Variants in CDYL2 observed in about 807,000 individuals in gnomAD.
CDYL2 encodes chromodomain Y like 2.
Under a neutral mutation model 49.4 loss-of-function variants are expected in CDYL2, and 23 were observed. The observed-to-expected ratio is 0.47, with a 90% CI of 0.34 to 0.66. The LOEUF is 0.66. CDYL2 is among the 30% of genes least tolerant of loss of function. The pLI, the probability that CDYL2 is intolerant of heterozygous loss-of-function variation, is 0.01. For missense variants in CDYL2, 678 were observed against 656.4 expected (o/e 1.03, Z -0.36); for synonymous variants, 360 against 268.8 (o/e 1.34, Z -3.32).
chr16:80,668,885 T>TGA (rs1909382618), intron 2 of CDYL2, among the ~76,000 whole-genome samples: 2 of 151,766 alleles, frequency 1.3e-5, no homozygotes, highest in African/African-American at 2.4e-5. Context: ...GGCGACAGAG[T>TGA]CAGACACCAT....
At chr16:80,774,914 AT>A (rs932216585) in intron 1 of CDYL2, among the ~76,000 whole-genome samples, 3 of 151,398 alleles carry the variant, frequency 2.0e-5, no homozygotes, top group Non-Finnish European at 4.4e-5. Flanking sequence ...AAAAAAAAAA[AT>A]GCCTTATCAC....
At chr16:80,743,937 T>A (rs1166029114) in intron 1 of CDYL2, among the ~76,000 whole-genome samples, 2 of 152,092 alleles carry the variant, frequency 1.3e-5, no homozygotes, top group Non-Finnish European at 2.9e-5. Context: ...GGTGGGACTG[T>A]ACTATTCCTC....
rs140775865 is a variant in CDYL2, at chr16:80,642,700, G to A, written c.617-9464C>T. ...ACTTCTTACATAGCAGTGGCAAGAG[G>A]AAATAAGGAAGATGCAAAAGTGGAA... On this transcript the variant is annotated intron_variant, in intron 2 of 6. Transcript: ENST00000570137. Among the ~76,000 whole-genome samples the A allele has an allele frequency of 1.1e-3, 168 of 152,244 alleles. 1 individual carries two copies. The highest frequency in any genetic ancestry group is 0.01 in the East Asian group (53 of 5,160).
At chr16:80,662,653 T>C (rs1909094828) in intron 2 of CDYL2, 1 of 441,422 alleles carries the variant, frequency 2.3e-6, no homozygotes, top group South Asian at 1.6e-5. Context: ...AAATGTTCAA[T>C]ATCTGCATTG....
chr16:80,723,925 G>A (rs996665435), intron 1 of CDYL2, among the ~76,000 whole-genome samples: 8 of 150,336 alleles, frequency 5.3e-5, no homozygotes, highest in Non-Finnish European at 1.0e-4. Context: ...AGGAGAAGGA[G>A]TGGAGAAGAA....
rs556702714 is a variant in CDYL2 at position 80,679,620 on chromosome 16, C to T, written c.616+4918G>A. On this transcript the variant is annotated intron_variant, in intron 2 of 6. Coordinates refer to ENST00000570137, the MANE Select transcript of CDYL2 (RefSeq NM_152342.4). ...GCCTCATCTCAGGGAAGTACTTATA[C>T]TCTAAAACTTTCAACCTTACAGCTT... 7.6e-4 allele frequency: 342 copies of T among 449,502 alleles called. 3 individuals are homozygous for T. Among genetic ancestry groups the T allele is most frequent in the South Asian group, 5.3e-3 (333 of 63,236 alleles). The allele number at this position is 449,502 out of a possible 1,614,324, so 27.8% of individuals were successfully genotyped here. A position where few individuals can be genotyped will look rare whatever the true frequency, so the allele number is the denominator to read the frequency against.
At chr16:80,651,572 A>C (rs1908583463) in intron 2 of CDYL2, among the ~76,000 whole-genome samples, 1 of 152,218 alleles carries the variant, frequency 6.6e-6, no homozygotes, top group Admixed American at 6.5e-5. Context: ...CAGCACAGAG[A>C]GCGAATTTAA....
chr16:80,742,461 CATGGATGG>C (rs3081238), intron 1 of CDYL2, among the ~76,000 whole-genome samples: 8 of 146,172 alleles, frequency 5.5e-5, no homozygotes, highest in East Asian at 4.1e-4. Flanking sequence ...AGGATGGATG[CATGGATGG>C]ATGGATGGAT....
At chr16:80,736,173 C>T (rs2289356) in intron 1 of CDYL2, among the ~76,000 whole-genome samples, 62,051 of 152,192 alleles carry the variant, frequency 0.41, 15,175 homozygotes, top group Middle Eastern at 0.59. Flanking sequence ...AGCTCCTGAA[C>T]CTAACTGCAA....
At chr16:80,760,735 C>T (rs879744232) in intron 1 of CDYL2, among the ~76,000 whole-genome samples, 4 of 151,424 alleles carry the variant, frequency 2.6e-5, no homozygotes, top group African/African-American at 4.9e-5. Flanking sequence ...TCTTATAAGC[C>T]AAACAGATCA....
chr16:80,600,875 C>G lies in CDYL2; in HGVS notation c.*3513G>C, dbSNP rs1906051987. On this transcript the variant is annotated 3_prime_UTR_variant, in exon 7 of 7. Transcript: ENST00000570137. The stretch of plus-strand genomic sequence containing the variant: ...AAGGCTATTTTTAAATGTGGATATT[C>G]AGAGATACAGTTGCATTGTTCAAAG... 1 of 152,172 alleles carries G rather than the reference C, an allele frequency of 6.6e-6. No homozygotes were observed. 9.4% of individuals were successfully genotyped at this position (152,172 alleles called of 1,614,324 possible).
chr16:80,616,016 C>T (rs1436828850), intron 4 of CDYL2, among the ~76,000 whole-genome samples: 1 of 152,196 alleles, frequency 6.6e-6, no homozygotes, highest in Non-Finnish European at 1.5e-5. Context: ...CCCCCACATC[C>T]AAGGCCATCA....
chr16:80,743,683 G>T (rs1341238483), intron 1 of CDYL2, among the ~76,000 whole-genome samples: 3 of 152,010 alleles, frequency 2.0e-5, no homozygotes, highest in African/African-American at 7.2e-5. Context: ...TTGTTTGTTT[G>T]TTTTTTGGGG....
chr16:80,629,004 T>C (rs544916775), intron 3 of CDYL2, among the ~76,000 whole-genome samples: 17 of 152,054 alleles, frequency 1.1e-4, no homozygotes, highest in African/African-American at 4.1e-4. Flanking sequence ...AGAGCACATA[T>C]AAAGGCCCCG....
intron 1 of CDYL2, among the ~76,000 whole-genome samples, chr16:80,691,978 C>T (rs746949904): frequency 9.2e-5 from 14 of 152,046 alleles, no homozygotes; most frequent in East Asian, 3.9e-4. Context: ...ACAACATACT[C>T]GAAAAGCTGT....
intron 1 of CDYL2, among the ~76,000 whole-genome samples, chr16:80,697,203 C>G (rs1904280085): frequency 6.6e-6 from 1 of 152,168 alleles, no homozygotes; most frequent in African/African-American, 2.4e-5. Context: ...AATCCAACAA[C>G]ACATCAACAA....
intron 1 of CDYL2, among the ~76,000 whole-genome samples, chr16:80,731,554 T>C (rs1464652632): frequency 1.3e-5 from 2 of 152,046 alleles, no homozygotes; most frequent in Admixed American, 1.3e-4. Flanking sequence ...CCTATAAAAA[T>C]TCAGAATGGG....
At chr16:80,742,185 C>A (rs1905760742) in intron 1 of CDYL2, 1 of 152,224 alleles carries the variant, frequency 6.6e-6, no homozygotes, top group Non-Finnish European at 1.5e-5. Context: ...AGGCAGTGTG[C>A]CTACCTAGCC....
At chr16:80,699,884 T>C (rs1397244005) in intron 1 of CDYL2, among the ~76,000 whole-genome samples, 1 of 152,094 alleles carries the variant, frequency 6.6e-6, no homozygotes, top group Non-Finnish European at 1.5e-5. Context: ...TTTTTTTTTT[T>C]TGAGACGGAG....
Sources: allele counts gnomAD v4.1 joint callset (sites outside exome capture counted in the v4.1 genomes callset), GRCh38; gene constraint gnomAD v4.1.1; transcripts MANE v1.5; gene names NCBI Gene and HGNC (gene_info 2026-07-23, HGNC 2026-07-21).